PTPRA: variants seen among roughly 807,000 people sequenced by gnomAD.
The protein encoded by PTPRA is receptor-type tyrosine-protein phosphatase alpha.
PTPRA carries 25 observed loss-of-function variants against 104.8 expected under a neutral mutation model. That is an observed-to-expected ratio of 0.24 (90% confidence interval 0.17 to 0.33). The LOEUF is 0.33. Among genes scored for constraint, PTPRA ranks in the 10% least tolerant of loss-of-function variants. The probability of loss-of-function intolerance (pLI) is 1.00; values close to 1 mark genes in which losing one functional copy is unlikely to be tolerated. For missense variants in PTPRA, 765 were observed against 1,015.3 expected (o/e 0.75, Z 3.35); for synonymous variants, 323 against 368.9 (o/e 0.88, Z 1.43).
At chr20:2,939,192 C>G (rs1234515577) in intron 2 of PTPRA, among the ~76,000 whole-genome samples, 1 of 152,118 alleles carries the variant, frequency 6.6e-6, no homozygotes, top group Non-Finnish European at 1.5e-5. Flanking sequence ...TGTGTTGTTT[C>G]TGGTCATTTT....
chr20:3,023,040 G>C (rs2064958083), intron 16 of PTPRA, among the ~76,000 whole-genome samples: 1 of 152,206 alleles, frequency 6.6e-6, no homozygotes, highest in South Asian at 2.1e-4. Flanking sequence ...AAATTCTTCT[G>C]CCTTGAGATG....
chr20:2,909,974 A>ATC (rs1203441257), intron 1 of PTPRA, among the ~76,000 whole-genome samples: 1 of 111,868 alleles, frequency 8.9e-6, no homozygotes, highest in African/African-American at 4.3e-5. Flanking sequence ...ATATATATAT[A>ATC]ATCTATCATA....
Position 2,958,719 on chromosome 20 carries a change from C to T in PTPRA, c.-6-5553C>T, listed in dbSNP as rs1471059689. 5.4e-5 allele frequency among the ~76,000 whole-genome samples: 8 copies of T among 148,642 alleles called. No individual in the cohort carries two copies. The South Asian group carries it at 6.5e-4, about 12-fold the overall frequency. On this transcript the variant is annotated intron_variant, in intron 3 of 23. Transcript: ENST00000399903. The stretch of plus-strand genomic sequence containing the variant: ...AAAATTAGCCAGGCATGGTGGCACG[C>T]GCCTGTAATCCCAGCTACTTGGGAG...
intron 7 of PTPRA, 49 bp from the exon 8 acceptor site, chr20:2,987,983 C>T (rs1600217949): frequency 1.4e-6 from 2 of 1,439,730 alleles, no homozygotes; most frequent in East Asian, 2.3e-5. Context: ...TGTGATTTGC[C>T]TCTCCCACCT....
intron 1 of PTPRA, among the ~76,000 whole-genome samples, chr20:2,900,055 A>G (rs2059167667): frequency 6.6e-6 from 1 of 152,098 alleles, no homozygotes; most frequent in Admixed American, 6.6e-5. Context: ...GGCTGCAGTG[A>G]GCTGAGATAG....
chr20:2,923,187 T>C lies in PTPRA; in HGVS notation c.-128-20T>C. ...CAGGGATGTTGTATATTTCTAAAGG[T>C]ATTTTTCCTTTTGTTGCAGGTGACA... is the stretch of plus-strand genomic sequence containing the variant. On this transcript the variant is annotated intron_variant, in intron 1 of 23. Transcript: ENST00000399903. 1 of 1,044,126 alleles carries C rather than the reference T, an allele frequency of 9.6e-7. No homozygotes were observed. The allele number at this position is 1,044,126 out of a possible 1,614,324, so 64.7% of individuals were successfully genotyped here.
rs566699416 is a variant in PTPRA at position 2,911,647 on chromosome 20, A to G, written c.-128-11560A>G. ...GATATTATGCTGAGCATGGCTGGAA[A>G]TAAATTTGTAGCACCAATTAAATAC... On this transcript the variant is annotated intron_variant, in intron 1 of 23. Coordinates refer to ENST00000399903, the MANE Select transcript of PTPRA (RefSeq NM_001385305.1). Among the ~76,000 whole-genome samples, 5 of 152,350 alleles carry G rather than the reference A, an allele frequency of 3.3e-5. No individual in the cohort carries two copies. The East Asian group carries it at 9.6e-4, about 29-fold the overall frequency.
the PTPRA span, chr20:2,866,273 G>A: frequency 2.7e-5 from 43 of 1,613,944 alleles, no homozygotes; most frequent in Non-Finnish European, 2.9e-5. Flanking sequence ...TATGCTTCCC[G>A]CGTGGGTCCC....
At chr20:3,031,551 C>T (rs901470646) in intron 20 of PTPRA, among the ~76,000 whole-genome samples, 9 of 152,154 alleles carry the variant, frequency 5.9e-5, no homozygotes, top group African/African-American at 2.2e-4. Context: ...TCCTCAGCTT[C>T]CTCAGCCACC....
At chr20:2,967,561 T>C (rs1180888401) in intron 5 of PTPRA, among the ~76,000 whole-genome samples, 4 of 152,336 alleles carry the variant, frequency 2.6e-5, no homozygotes, top group African/African-American at 9.6e-5. Flanking sequence ...TTTGTTTATT[T>C]AGTTTTCTAT....
At chr20:2,918,077 GACTCTGTCTCAAAAAAAAAA>G (rs1423042988) in intron 1 of PTPRA, among the ~76,000 whole-genome samples, 1 of 119,188 alleles carries the variant, frequency 8.4e-6, no homozygotes, top group Non-Finnish European at 1.6e-5. Flanking sequence ...GATAGAGTGA[GACTCTGTCTCAAAAAAAAAA>G]AAAAAAAAAA....
intron 22 of PTPRA, among the ~76,000 whole-genome samples, chr20:3,036,167 C>T (rs1376517832): frequency 6.6e-6 from 1 of 152,110 alleles, no homozygotes; most frequent in East Asian, 1.9e-4. Context: ...AGATAGTGGG[C>T]AGGAGAGCAG....
intron 2 of PTPRA, among the ~76,000 whole-genome samples, chr20:2,924,422 T>G (rs1175712104): frequency 6.6e-6 from 1 of 152,012 alleles, no homozygotes; most frequent in African/African-American, 2.4e-5. Flanking sequence ...AACAAAAAAT[T>G]GACATACACT....
chr20:2,986,537 T>C (rs987942486), intron 6 of PTPRA, among the ~76,000 whole-genome samples: 5 of 152,230 alleles, frequency 3.3e-5, no homozygotes, highest in Admixed American at 2.6e-4. Flanking sequence ...TAGTCAGAGA[T>C]GGGGTGAGCA....
chr20:2,925,192 T>C (rs1226675258), intron 2 of PTPRA, among the ~76,000 whole-genome samples: 1 of 152,112 alleles, frequency 6.6e-6, no homozygotes, highest in Non-Finnish European at 1.5e-5. Flanking sequence ...TAACTCCCCA[T>C]TTCCTCCTCC....
At chr20:2,940,719 T>C (rs2060880333) in intron 2 of PTPRA, among the ~76,000 whole-genome samples, 2 of 152,238 alleles carry the variant, frequency 1.3e-5, no homozygotes, top group South Asian at 4.1e-4. Context: ...TTATATGAAA[T>C]TCAAATTTCA....
chr20:3,021,263 G>A (rs1201001556), intron 13 of PTPRA, 46 bp from the exon 14 acceptor site: 12 of 1,611,564 alleles, frequency 7.4e-6, no homozygotes, highest in South Asian at 1.1e-5. Flanking sequence ...CATCTGCCAT[G>A]GGCAGGAGGT....
chr20:2,950,630 G>A lies in PTPRA; in HGVS notation c.-7+2606G>A, dbSNP rs1198259897. Among the ~76,000 whole-genome samples, 5 of 150,556 alleles carry A rather than the reference G, an allele frequency of 3.3e-5. No homozygotes were observed. The highest frequency in any genetic ancestry group is 7.3e-5 in the African/African-American group (3 of 40,934). On this transcript the variant is annotated intron_variant, in intron 3 of 23. Coordinates refer to ENST00000399903, the MANE Select transcript of PTPRA (RefSeq NM_001385305.1). The surrounding 1 kb of genome is among the most constrained non-coding windows in gnomAD (Gnocchi z 4.0). ...TGCACTCCAGCCTGGGCGACAGAGC[G>A]AGACTCCATCTCAAAAAAAAAAAAA... is the stretch of plus-strand genomic sequence containing the variant.
intron 5 of PTPRA, 68 bp downstream of exon 5, chr20:2,965,270 T>G: frequency 7.1e-7 from 1 of 1,417,958 alleles, no homozygotes. Flanking sequence ...ATCTTGTTTG[T>G]GTTTTCTAGC....
Sources: allele counts gnomAD v4.1 joint callset (sites outside exome capture counted in the v4.1 genomes callset), GRCh38; gene constraint gnomAD v4.1.1; non-coding constraint Gnocchi (gnomAD v3.1); transcripts MANE v1.5; gene names NCBI Gene and HGNC (gene_info 2026-07-23, HGNC 2026-07-21).